Variants in MAP4 observed in about 807,000 individuals in gnomAD.
MAP4 encodes the protein microtubule associated protein 4, also known as microtubule-associated protein 4.
MAP4 carries 76 observed loss-of-function variants against 170.2 expected under a neutral mutation model. That is an observed-to-expected ratio of 0.45 (90% CI 0.37 to 0.54). The LOEUF is 0.54. Among genes scored for constraint, MAP4 ranks in the 20% least tolerant of loss-of-function variants. The probability of loss-of-function intolerance (pLI) is 0.00; values close to 1 mark genes in which losing one functional copy is unlikely to be tolerated. For synonymous variants in MAP4, 909 were observed against 994.5 expected, an observed-to-expected ratio of 0.91 and a Z score of 1.62; for missense variants, 2,506 against 2,748.0, an observed-to-expected ratio of 0.91 and a Z score of 1.97.
At chr3:47,969,403 T>C (rs1271784443) in intron 3 of MAP4, among the ~76,000 whole-genome samples, 1 of 135,902 alleles carries the variant, frequency 7.4e-6, no homozygotes, top group Non-Finnish European at 1.6e-5. Context: ...CAAAACTCTG[T>C]CTCGCGGGGC....
At chr3:47,973,782 C>T (rs987478444) in intron 3 of MAP4, 4 of 985,172 alleles carry the variant, frequency 4.1e-6, no homozygotes, top group African/African-American at 1.7e-5. Flanking sequence ...TGAAAAGATC[C>T]CTGGCGAAAG....
At chr3:47,905,060 G>T (rs1050231302) in intron 9 of MAP4, among the ~76,000 whole-genome samples, 5 of 152,194 alleles carry the variant, frequency 3.3e-5, no homozygotes, top group African/African-American at 1.2e-4. Flanking sequence ...AGATATGTGA[G>T]AATTGGTAGC....
At chr3:47,860,053 A>G (rs755716690) in intron 17 of MAP4, among the ~76,000 whole-genome samples, 3 of 152,202 alleles carry the variant, frequency 2.0e-5, no homozygotes, top group Non-Finnish European at 4.4e-5. Flanking sequence ...GGGTACTTTT[A>G]CCAGCCAAAG....
intron 1 of MAP4, among the ~76,000 whole-genome samples, chr3:48,008,417 A>G (rs2100103575): frequency 6.6e-6 from 1 of 152,226 alleles, no homozygotes; most frequent in South Asian, 2.1e-4. Context: ...GACAACAATG[A>G]AGGGAAATCT....
intron 12 of MAP4, 75 bp from the exon 13 acceptor site, chr3:47,872,175 T>C: frequency 1.5e-6 from 2 of 1,335,016 alleles, no homozygotes; most frequent in Non-Finnish European, 2.0e-6. Flanking sequence ...AGATGCTTCT[T>C]TTTTTGTTTG....
chr3:48,048,921 C>A (rs191359564), intron 1 of MAP4, among the ~76,000 whole-genome samples: 115 of 152,144 alleles, frequency 7.6e-4, no homozygotes, highest in Non-Finnish European at 1.1e-3. Context: ...TATTTATAGC[C>A]CCTCCACCTA....
rs149663650 is a variant in MAP4, at chr3:48,028,817, A to T, written c.-19-29938T>A. Among the ~76,000 whole-genome samples the T allele has an allele frequency of 3.5e-3, 520 of 150,632 alleles. 4 individuals are homozygous for T. The highest frequency in any genetic ancestry group is 0.012 in the African/African-American group (487 of 41,072). On this transcript the variant is annotated intron_variant, in intron 1 of 18. Coordinates refer to the MAP4 transcript ENST00000360240. ...CAAAACTAGTGGTAATTCCTTTAGA[A>T]CATAATCAGAACTTCATTCACACAT...
chr3:47,943,789 G>A (rs2100057997), intron 3 of MAP4, among the ~76,000 whole-genome samples: 1 of 152,014 alleles, frequency 6.6e-6, no homozygotes, highest in South Asian at 2.1e-4. Flanking sequence ...AGATCACATA[G>A]CACACTTGTT....
At chr3:48,001,849 T>C (rs1209986499) in intron 1 of MAP4, among the ~76,000 whole-genome samples, 2 of 152,180 alleles carry the variant, frequency 1.3e-5, no homozygotes, top group Admixed American at 6.6e-5. Flanking sequence ...CCTGTGACTA[T>C]ACTAATGAGT....
At chr3:48,061,818 C>T (rs183968011) in intron 1 of MAP4, among the ~76,000 whole-genome samples, 16 of 100,418 alleles carry the variant, frequency 1.6e-4, no homozygotes, top group Non-Finnish European at 2.0e-4. Flanking sequence ...CCCGGCCAGC[C>T]GCCCCATCCG....
rs762892941 is a variant in MAP4 at position 47,869,321 on chromosome 3, C to T, written c.6301G>A (p.Val2101Ile). 1 of 1,611,114 alleles carries T rather than the reference C, an allele frequency of 6.2e-7. No homozygotes were observed. Among genetic ancestry groups the T allele is most frequent in the Non-Finnish European group, 8.5e-7 (1 of 1,177,308 alleles). Reference protein sequence around the residue: ...KHQPGGGRAKVEKKTEAAATT... With the variant: ...KHQPGGGRAKIEKKTEAAATT... The stretch of plus-strand genomic sequence containing the variant: ...GCAGCTGCCTCTGTTTTTTTCTCTA[C>T]TTTGGCCTGGATGGAGATAAAGGGA... The change falls in exon 16 of 21, where the codon GTA becomes ATA. Residue 2101 changes from valine to isoleucine, a missense_variant. Around this residue, in one of 3 missense-constraint regions of MAP4, gnomAD observed 487 missense variants for 511.6 expected, o/e 0.95. Coordinates refer to ENST00000683076, the MANE Select transcript of MAP4 (RefSeq NM_001385682.1).
intron 1 of MAP4, among the ~76,000 whole-genome samples, chr3:48,042,681 C>T (rs1193302424): frequency 6.6e-6 from 1 of 152,082 alleles, no homozygotes; most frequent in African/African-American, 2.4e-5. Context: ...ATGGTGCAGC[C>T]ACCTTGAAAA....
At chr3:48,061,986 C>T (rs1169472486) in intron 1 of MAP4, among the ~76,000 whole-genome samples, 1 of 152,198 alleles carries the variant, frequency 6.6e-6, no homozygotes, top group Non-Finnish European at 1.5e-5. Flanking sequence ...ACCGCCACCC[C>T]GTCTGGGAGG....
At position 47,870,959 on chromosome 3, in the gene MAP4, C is replaced by T. The variant is rs2091200239; in HGVS notation, c.6148G>A (p.Asp2050Asn). The T allele has an allele frequency of 6.2e-7, 1 of 1,613,986 alleles. No homozygotes were observed. The highest frequency in any genetic ancestry group is 1.1e-5 in the South Asian group (1 of 91,090). ...PSRPSTTPFI[D>N]KKPTSAKPSS... ...GGTTTGGCCGAGGTGGGCTTCTTGTCTATGAAAGGAGTTGTGGAGGGCCGG... is the reference window on the plus strand; with the variant it reads ...GGTTTGGCCGAGGTGGGCTTCTTGTTTATGAAAGGAGTTGTGGAGGGCCGG... Residue 2050 changes from aspartate (D) to asparagine (N), a missense_variant, in exon 15 of 21, where the codon GAC becomes AAC. Transcript: ENST00000683076.
intron 10 of MAP4, among the ~76,000 whole-genome samples, chr3:47,902,017 G>T (rs1032896955): frequency 6.6e-6 from 1 of 152,124 alleles, no homozygotes; most frequent in Non-Finnish European, 1.5e-5. Flanking sequence ...CACCAGGTAT[G>T]GTGGTGCACA....
chr3:47,863,408 C>G (rs1273440781), intron 17 of MAP4, among the ~76,000 whole-genome samples: 1 of 152,178 alleles, frequency 6.6e-6, no homozygotes, highest in Non-Finnish European at 1.5e-5. Context: ...GATTCCCCCA[C>G]ACCACCCTGC....
At chr3:48,031,708 G>C (rs1216303817) in intron 1 of MAP4, among the ~76,000 whole-genome samples, 1 of 152,158 alleles carries the variant, frequency 6.6e-6, no homozygotes, top group East Asian at 1.9e-4. Flanking sequence ...CTGGGCAACA[G>C]AGCAAGACTC....
At chr3:48,004,247 T>C (rs1319629008) in intron 1 of MAP4, among the ~76,000 whole-genome samples, 2 of 152,134 alleles carry the variant, frequency 1.3e-5, no homozygotes, top group African/African-American at 4.8e-5. Flanking sequence ...GATCCAAAAA[T>C]GCTGAGGACT....
Position 48,059,694 on chromosome 3 carries a change from G to A in MAP4, c.-20+29079C>T, listed in dbSNP as rs182244001. ...TCACACCTGTAATCCTAGCATTTTGGGAGGCTGAAGCGGGTGGCTCACGCC... is the reference window on the plus strand; with the variant it reads ...TCACACCTGTAATCCTAGCATTTTGAGAGGCTGAAGCGGGTGGCTCACGCC... On this transcript the variant is annotated intron_variant, in intron 1 of 18. Coordinates refer to the MAP4 transcript ENST00000360240. Among the ~76,000 whole-genome samples, 177 of 151,676 alleles carry A rather than the reference G, an allele frequency of 1.2e-3. 1 individual carries two copies. The highest frequency in any genetic ancestry group is 4.1e-3 in the Admixed American group (62 of 15,276).
Sources: allele counts gnomAD v4.1 joint callset (sites outside exome capture counted in the v4.1 genomes callset), GRCh38; gene constraint gnomAD v4.1.1; regional missense constraint gnomAD v4.1.1; transcripts MANE v1.5; gene names NCBI Gene and HGNC (gene_info 2026-07-23, HGNC 2026-07-21).